The following SRGAP1 variants were observed in gnomAD, a reference collection of about 807,000 sequenced individuals.
SRGAP1 encodes the protein SLIT-ROBO Rho GTPase-activating protein 1.
SRGAP1 carries 43 observed loss-of-function variants against 121.9 expected under a neutral mutation model. The observed-to-expected ratio is 0.35, with a 90% CI of 0.28 to 0.46. The LOEUF (loss-of-function observed/expected upper bound fraction) is 0.46, where lower values mean the gene tolerates loss of function less well. Among genes scored for constraint, SRGAP1 ranks in the 20% least tolerant of loss-of-function variants. The pLI, the probability that SRGAP1 is intolerant of heterozygous loss-of-function variation, is 1.00. For synonymous variants in SRGAP1, 447 were observed against 485.4 expected (o/e 0.92, Z 1.04); for missense variants, 1,102 against 1,350.9 (o/e 0.82, Z 2.89).
Position 64,137,960 on chromosome 12 carries a change from AAAT to A in SRGAP1, c.2881-4333_2881-4331del, listed in dbSNP as rs1346156958. Among the ~76,000 whole-genome samples, 329 of 137,906 alleles carry A rather than the reference AAAT, an allele frequency of 2.4e-3. 1 individual carries two copies. The highest frequency in any genetic ancestry group is 8.4e-3 in the African/African-American group (305 of 36,360). The allele number at this position is 137,906 out of a possible 152,430, so 90.5% of individuals were successfully genotyped here. On this transcript the variant is annotated intron_variant, in intron 21 of 21. Coordinates refer to ENST00000355086, the MANE Select transcript of SRGAP1 (RefSeq NM_020762.4). ...TCTTTCTTAATTGTGCTTAAAAAAA[AAAT>A]ATATATATATATATATATAAAAAAT...
chr12:63,880,443 C>G (rs1900158459), intron 1 of SRGAP1, among the ~76,000 whole-genome samples: 1 of 152,112 alleles, frequency 6.6e-6, no homozygotes, highest in African/African-American at 2.4e-5. Context: ...TTTGGCCAGG[C>G]TGCTCTCAAA....
At chr12:63,974,233 A>G (rs1250626893) in intron 1 of SRGAP1, among the ~76,000 whole-genome samples, 1 of 152,172 alleles carries the variant, frequency 6.6e-6, no homozygotes, top group Non-Finnish European at 1.5e-5. Flanking sequence ...TAGCTTTCAT[A>G]TGAAAAAAAA....
At chr12:63,885,065 C>T (rs1322000609) in intron 1 of SRGAP1, among the ~76,000 whole-genome samples, 1 of 152,056 alleles carries the variant, frequency 6.6e-6, no homozygotes, top group African/African-American at 2.4e-5. Context: ...TTTATGGAGG[C>T]TGTTTAGGAA....
chr12:64,105,506 G>A (rs935403713), intron 15 of SRGAP1, among the ~76,000 whole-genome samples: 6 of 152,146 alleles, frequency 3.9e-5, no homozygotes, highest in Middle Eastern at 3.2e-3. Context: ...TCTTGAGGCC[G>A]GGGATGGTGG....
chr12:63,892,967 A>G (rs1900636849), intron 1 of SRGAP1, among the ~76,000 whole-genome samples: 1 of 152,218 alleles, frequency 6.6e-6, no homozygotes, highest in African/African-American at 2.4e-5. Flanking sequence ...CCTTGATTGC[A>G]TGCCCTCTGA....
At chr12:63,854,372 G>T (rs1038368243) in intron 1 of SRGAP1, among the ~76,000 whole-genome samples, 2 of 152,274 alleles carry the variant, frequency 1.3e-5, no homozygotes, top group Admixed American at 1.3e-4. Context: ...AATTGGAATA[G>T]TAGTGTTTTG....
chr12:64,130,329 C>G (rs1003741981), intron 21 of SRGAP1, among the ~76,000 whole-genome samples: 1 of 152,098 alleles, frequency 6.6e-6, no homozygotes, highest in African/African-American at 2.4e-5. Flanking sequence ...GTTGCTGTGT[C>G]TCCTGGTGGC....
At chr12:63,887,629 TGGC>T (rs1161270553) in intron 1 of SRGAP1, 1 of 152,220 alleles carries the variant, frequency 6.6e-6, no homozygotes, top group African/African-American at 2.4e-5. Flanking sequence ...TCGAGTTGAA[TGGC>T]TGTTTGAATT....
chr12:64,036,173 T>A (rs1266365701), intron 4 of SRGAP1, among the ~76,000 whole-genome samples: 1 of 152,158 alleles, frequency 6.6e-6, no homozygotes, highest in Non-Finnish European at 1.5e-5. Flanking sequence ...TTGAGGGAAT[T>A]CCTGCCCACT....
At chr12:63,871,916 A>G (rs1435437527) in intron 1 of SRGAP1, 1 of 1,407,462 alleles carries the variant, frequency 7.1e-7, no homozygotes, top group African/African-American at 1.4e-5. Context: ...TCTGCCCACC[A>G]TAGCCACTCT....
At chr12:64,141,053 A>C (rs1268632473) in intron 21 of SRGAP1, among the ~76,000 whole-genome samples, 1 of 134,556 alleles carries the variant, frequency 7.4e-6, no homozygotes, top group East Asian at 2.2e-4. Flanking sequence ...ATTCTCACTC[A>C]TAGGTGGGAA....
intron 1 of SRGAP1, among the ~76,000 whole-genome samples, chr12:63,928,299 A>G (rs914014520): frequency 4.6e-5 from 7 of 152,230 alleles, no homozygotes; most frequent in Non-Finnish European, 8.8e-5. Context: ...TACCTACCCT[A>G]TGATCCAGAA....
chr12:63,879,727 T>C (rs1292603666), intron 1 of SRGAP1, among the ~76,000 whole-genome samples: 1 of 152,226 alleles, frequency 6.6e-6, no homozygotes, highest in Non-Finnish European at 1.5e-5. Flanking sequence ...AGTTACTAAA[T>C]AGACAATGAA....
intron 1 of SRGAP1, among the ~76,000 whole-genome samples, chr12:63,850,112 A>G (rs1290805224): frequency 2.0e-5 from 3 of 152,206 alleles, no homozygotes; most frequent in African/African-American, 7.2e-5. Context: ...TAGAAAAACA[A>G]CATGGTTAAT....
chr12:64,141,610 CAA>C (rs901592498), intron 21 of SRGAP1, among the ~76,000 whole-genome samples: 1 of 151,748 alleles, frequency 6.6e-6, no homozygotes, highest in South Asian at 2.1e-4. Context: ...ATCTTTTTTT[CAA>C]AAGTTTTCAT....
chr12:63,856,288 AT>A, intron 1 of SRGAP1, among the ~76,000 whole-genome samples: 1 of 141,066 alleles, frequency 7.1e-6, no homozygotes, highest in African/African-American at 2.8e-5. Context: ...AAATAAATAA[AT>A]AAATAAAAAG....
rs1295394411 is a variant in SRGAP1 at position 64,152,085 on chromosome 12, TAACA to T, written c.*9419_*9422del. On this transcript the variant is annotated 3_prime_UTR_variant, in exon 22 of 22. Transcript: ENST00000355086. ...TTTCTCAAAAACAAAATGAGAAACC[TAACA>T]AACAATCATTGAAAATGTACCATGT... The T allele has an allele frequency of 4.6e-5, 7 of 152,288 alleles. No homozygotes were observed. The highest frequency in any genetic ancestry group is 9.6e-5 in the African/African-American group (4 of 41,568). The allele number at this position is 152,288 out of a possible 1,614,324, so 9.4% of individuals were successfully genotyped here.
At chr12:63,920,752 G>C (rs531769959) in intron 1 of SRGAP1, among the ~76,000 whole-genome samples, 1 of 152,116 alleles carries the variant, frequency 6.6e-6, no homozygotes, top group Non-Finnish European at 1.5e-5. Context: ...AGTGAGACCT[G>C]TAAATGGTTT....
chr12:64,152,238 T>G lies in SRGAP1; in HGVS notation c.*9566T>G, dbSNP rs2037126958. ...GAGAGCCACAGTTATTATCATCATC[T>G]TTATCCGTAAGAAAATTAAGCCGCA... On this transcript the variant is annotated 3_prime_UTR_variant, in exon 22 of 22. Coordinates refer to ENST00000355086, the MANE Select transcript of SRGAP1 (RefSeq NM_020762.4). 1 of 152,184 alleles carries G rather than the reference T, an allele frequency of 6.6e-6. No homozygotes were observed. Among genetic ancestry groups the G allele is most frequent in the South Asian group, 2.1e-4 (1 of 4,826 alleles). The allele number at this position is 152,184 out of a possible 1,614,324, so 9.4% of individuals were successfully genotyped here.
Sources: allele counts gnomAD v4.1 joint callset (sites outside exome capture counted in the v4.1 genomes callset), GRCh38; gene constraint gnomAD v4.1.1; transcripts MANE v1.5; gene names NCBI Gene and HGNC (gene_info 2026-07-23, HGNC 2026-07-21).